ZNF346: variants seen among roughly 807,000 people sequenced by gnomAD.
ZNF346 encodes the protein double-stranded RNA-binding zinc finger protein JAZ.
In ZNF346, 23 loss-of-function variants were observed where a neutral mutation model predicts 33.7. That is an observed-to-expected ratio of 0.68 (90% confidence interval 0.49 to 0.97). ZNF346 has a LOEUF of 0.97. Among genes scored for constraint, ZNF346 ranks in the 50% least tolerant of loss-of-function variants. The pLI is 0.00. For synonymous variants in ZNF346, 134 were observed against 142.4 expected (o/e 0.94, Z 0.42); for missense variants, 340 against 371.1 (o/e 0.92, Z 0.69).
At chr5:177,058,518 T>A (rs892446726) in intron 5 of ZNF346, among the ~76,000 whole-genome samples, 2 of 152,092 alleles carry the variant, frequency 1.3e-5, no homozygotes, top group African/African-American at 4.8e-5. Context: ...GTCAGGGGTA[T>A]TAGATCCCCT....
chr5:177,037,587 A>G (rs1269248193), intron 1 of ZNF346, among the ~76,000 whole-genome samples: 1 of 152,182 alleles, frequency 6.6e-6, no homozygotes, highest in African/African-American at 2.4e-5. Context: ...CATCCAGTCT[A>G]AGAAATCAGA....
chr5:177,075,868 A>T (rs244716), intron 8 of ZNF346, among the ~76,000 whole-genome samples: 3 of 151,872 alleles, frequency 2.0e-5, no homozygotes, highest in African/African-American at 7.3e-5. Flanking sequence ...TGTACTTTTA[A>T]TAGATACAGG....
chr5:177,072,508 C>G (rs1320149204), downstream of ZNF346, among the ~76,000 whole-genome samples: 1 of 152,154 alleles, frequency 6.6e-6, no homozygotes, highest in Non-Finnish European at 1.5e-5. Context: ...TCATAGTCTT[C>G]AGCTGTTAGT....
chr5:177,056,551 G>C (rs1275012163), intron 5 of ZNF346, among the ~76,000 whole-genome samples: 1 of 152,224 alleles, frequency 6.6e-6, no homozygotes, highest in African/African-American at 2.4e-5. Context: ...TTAAGAAATT[G>C]TGGCACATAT....
chr5:177,075,180 C>T (rs911089811), intron 8 of ZNF346, among the ~76,000 whole-genome samples: 1 of 151,440 alleles, frequency 6.6e-6, no homozygotes, highest in African/African-American at 2.4e-5. Context: ...GCAGGTGGAT[C>T]ATGAGATCAG....
At chr5:177,057,804 A>ATTTG (rs1377566681) in intron 5 of ZNF346, among the ~76,000 whole-genome samples, 1 of 107,528 alleles carries the variant, frequency 9.3e-6, no homozygotes, top group African/African-American at 3.4e-5. Flanking sequence ...TTTCTTATTT[A>ATTTG]TTTATTTATT....
intron 3 of ZNF346, chr5:177,042,126 T>C: frequency 2.8e-6 from 1 of 354,726 alleles, no homozygotes; most frequent in African/African-American, 2.0e-5. Context: ...GCCTGGCACA[T>C]AGTAGGGACT....
At chr5:177,054,387 A>ATTTT (rs1562015769) in intron 5 of ZNF346, among the ~76,000 whole-genome samples, 13 of 143,058 alleles carry the variant, frequency 9.1e-5, no homozygotes, top group African/African-American at 3.2e-4. Flanking sequence ...TTTTTTATTT[A>ATTTT]TTTATTTATT....
intron 3 of ZNF346, 76 bp from the exon 4 acceptor site, chr5:177,044,313 T>C (rs1779753927): frequency 1.9e-6 from 3 of 1,566,410 alleles, no homozygotes; most frequent in South Asian, 2.3e-5. Flanking sequence ...TGTTCTGTTA[T>C]GGGCAGTGGG....
In ZNF346 at chr5:177,066,305, A is replaced by G. The variant is rs561957706; in HGVS notation, c.*1706A>G. ...AAAGGAGTGCAGGGAGGGGCAGGAA[A>G]GGAGACAAGGAGGCCAGTATGGACA... On this transcript the variant is annotated 3_prime_UTR_variant, in exon 7 of 7. Coordinates refer to ENST00000358149, the MANE Select transcript of ZNF346 (RefSeq NM_012279.4). Among the ~76,000 whole-genome samples, 1 of 152,036 alleles carries G rather than the reference A, an allele frequency of 6.6e-6. No homozygotes were observed. The highest frequency in any genetic ancestry group is 1.5e-5 in the Non-Finnish European group (1 of 67,968).
intron 5 of ZNF346, among the ~76,000 whole-genome samples, chr5:177,060,465 A>C (rs1178560678): frequency 6.6e-6 from 1 of 152,060 alleles, no homozygotes; most frequent in Non-Finnish European, 1.5e-5. Flanking sequence ...AGGTGCCTCC[A>C]CTGCACTCCA....
rs564244988 is a variant in ZNF346 at position 177,030,861 on chromosome 5, A to T, written c.175+7948A>T. ...GGACATTTCATGTAAATAGAATTGT[A>T]TAAATATGTGGCATTTTTGTGACTG... On this transcript the variant is annotated intron_variant, in intron 1 of 6. Coordinates refer to ENST00000358149, the MANE Select transcript of ZNF346 (RefSeq NM_012279.4). Among the ~76,000 whole-genome samples, 5 of 150,612 alleles carry T rather than the reference A, an allele frequency of 3.3e-5. No individual in the cohort carries two copies. In the South Asian group the frequency reaches 1.0e-3, roughly 31 times the overall value.
At chr5:177,024,161 C>CACAG in intron 1 of ZNF346, among the ~76,000 whole-genome samples, 1 of 142,056 alleles carries the variant, frequency 7.0e-6, no homozygotes, top group South Asian at 2.3e-4. Flanking sequence ...TATGTATACA[C>CACAG]ACACACACAC....
chr5:177,075,836 G>A (rs561818097), intron 8 of ZNF346, among the ~76,000 whole-genome samples: 189 of 152,240 alleles, frequency 1.2e-3, no homozygotes, highest in African/African-American at 4.5e-3. Flanking sequence ...ACAGGCACCC[G>A]CCACCACGCC....
chr5:177,058,330 G>A (rs1447106924), intron 5 of ZNF346, among the ~76,000 whole-genome samples: 1 of 151,670 alleles, frequency 6.6e-6, no homozygotes, highest in East Asian at 2.0e-4. Flanking sequence ...AATTAGCCGG[G>A]CGTAGTGGTG....
intron 6 of ZNF346, among the ~76,000 whole-genome samples, chr5:177,063,774 A>C (rs1439974610): frequency 6.6e-6 from 1 of 152,112 alleles, no homozygotes; most frequent in Non-Finnish European, 1.5e-5. Flanking sequence ...TGTAGTCCCA[A>C]CTACTTGAGA....
chr5:177,067,512 C>T lies in ZNF346; in HGVS notation c.*2913C>T, dbSNP rs1783279329. ...CCTAGTATGTCAGATTCAGCCCCATCTACCAAGCAAGGAAATGAAGGGCAG... is the reference window on the plus strand; with the variant it reads ...CCTAGTATGTCAGATTCAGCCCCATTTACCAAGCAAGGAAATGAAGGGCAG... On this transcript the variant is annotated 3_prime_UTR_variant, in exon 7 of 7. Coordinates refer to ENST00000358149, the MANE Select transcript of ZNF346 (RefSeq NM_012279.4). Among the ~76,000 whole-genome samples, 2 of 152,208 alleles carry T rather than the reference C, an allele frequency of 1.3e-5. No individual in the cohort carries two copies. Among genetic ancestry groups the T allele is most frequent in the Admixed American group, 6.5e-5 (1 of 15,284 alleles).
At chr5:177,027,469 C>T (rs1227764146) in intron 1 of ZNF346, among the ~76,000 whole-genome samples, 3 of 150,970 alleles carry the variant, frequency 2.0e-5, no homozygotes, top group African/African-American at 7.3e-5. Context: ...ATCTGTAATC[C>T]CAGCTACTCA....
chr5:177,046,036 C>T (rs2149648326), intron 4 of ZNF346, among the ~76,000 whole-genome samples: 1 of 152,076 alleles, frequency 6.6e-6, no homozygotes, highest in Non-Finnish European at 1.5e-5. Context: ...GTGGCTCATG[C>T]CTGTTGTAAT....
Sources: allele counts gnomAD v4.1 joint callset (sites outside exome capture counted in the v4.1 genomes callset), GRCh38; gene constraint gnomAD v4.1.1; transcripts MANE v1.5; gene names NCBI Gene and HGNC (gene_info 2026-07-23, HGNC 2026-07-21).